ADAP1: variants seen among roughly 807,000 people sequenced by gnomAD.
ADAP1 encodes the protein arf-GAP with dual PH domain-containing protein 1.
ADAP1 carries 31 observed loss-of-function variants against 54.9 expected under a neutral mutation model. The observed-to-expected ratio is 0.56, with a 90% CI of 0.42 to 0.76. The LOEUF is 0.76. Among genes scored for constraint, ADAP1 ranks in the 30% least tolerant of loss-of-function variants. ADAP1 has a pLI of 0.00. For synonymous variants in ADAP1, 313 were observed against 202.6 expected (o/e 1.55, Z -4.63); for missense variants, 535 against 512.4 (o/e 1.04, Z -0.42).
Position 945,408 on chromosome 7 carries a change from G to A in ADAP1, c.82+8988C>T, listed in dbSNP as rs1264827718. ...TGCACTCCAGCTGCCCCCTCCACTC[G>A]GGGCACTGAACCGTGGGGCCGGCCC... On this transcript the variant is annotated intron_variant, in intron 1 of 10. Transcript: ENST00000265846. This position sits in a 1 kb window ranked among gnomAD's most constrained non-coding sequence, Gnocchi z 4.2. 2.0e-5 allele frequency among the ~76,000 whole-genome samples: 3 copies of A among 152,192 alleles called. No homozygotes were observed. Among genetic ancestry groups the A allele is most frequent in the African/African-American group, 7.2e-5 (3 of 41,448 alleles).
At chr7:908,425 G>T (rs563999086) in intron 4 of ADAP1, among the ~76,000 whole-genome samples, 1 of 152,282 alleles carries the variant, frequency 6.6e-6, no homozygotes, top group South Asian at 2.1e-4. Context: ...TGCCAGACGG[G>T]GCCTGCTCCC....
intron 4 of ADAP1, 104 bp from the exon 5 acceptor site, chr7:905,276 G>A (rs1376321614): frequency 4.8e-6 from 2 of 417,212 alleles, no homozygotes; most frequent in South Asian, 1.9e-5. Flanking sequence ...AAGACACGGG[G>A]GACACGGACG....
intron 1 of ADAP1, among the ~76,000 whole-genome samples, chr7:951,103 G>A (rs928087416): frequency 6.6e-6 from 1 of 152,110 alleles, no homozygotes; most frequent in African/African-American, 2.4e-5. Flanking sequence ...GGCCAGGCGC[G>A]GTGGCTCATG....
chr7:918,461 C>T (rs1846023443), intron 4 of ADAP1, among the ~76,000 whole-genome samples: 1 of 152,204 alleles, frequency 6.6e-6, no homozygotes, highest in Admixed American at 6.6e-5. Context: ...CCTGCCTTGG[C>T]CTCCCAAAGT....
intron 4 of ADAP1, chr7:905,696 A>AGAAAGGGAAAGGAGAAAGGAGAAAGG (rs1562912639): frequency 7.1e-5 from 1 of 14,134 alleles, no homozygotes; most frequent in Non-Finnish European, 1.3e-4. Flanking sequence ...AGGAGAAAGG[A>AGAAAGGGAAAGGAGAAAGGAGAAAGG]GAAAGGAGAA....
Position 907,128 on chromosome 7 carries a change from G to A in ADAP1, c.389-1956C>T, listed in dbSNP as rs1015270329. ...TCTTTTTTCAGGAAAGCTCATCTGAGGGGAGTCCAGCTCAAGCCCTCATCT... is the reference window on the plus strand; with the variant it reads ...TCTTTTTTCAGGAAAGCTCATCTGAAGGGAGTCCAGCTCAAGCCCTCATCT... On this transcript the variant is annotated intron_variant, in intron 4 of 10. Transcript: ENST00000265846. 5.9e-4 allele frequency among the ~76,000 whole-genome samples: 90 copies of A among 152,126 alleles called. 3 individuals carry two copies. Among genetic ancestry groups the A allele is most frequent in the Admixed American group, 2.0e-4 (3 of 15,276 alleles).
intron 1 of ADAP1, among the ~76,000 whole-genome samples, chr7:941,747 C>T (rs1394415114): frequency 6.6e-6 from 1 of 152,144 alleles, no homozygotes; most frequent in African/African-American, 2.4e-5. Flanking sequence ...AATGCCATCC[C>T]AATCAGAATT....
At chr7:905,850 A>G (rs1845239042) in intron 4 of ADAP1, among the ~76,000 whole-genome samples, 1 of 57,604 alleles carries the variant, frequency 1.7e-5, no homozygotes, top group African/African-American at 4.8e-5. Context: ...GAGAAGGGAG[A>G]AGGGAGAAGG....
intron 1 of ADAP1, among the ~76,000 whole-genome samples, chr7:939,161 T>C (rs1255470284): frequency 1.3e-5 from 2 of 152,176 alleles, no homozygotes; most frequent in African/African-American, 4.8e-5. Context: ...ATAGCTGCTT[T>C]TGTGAGCGGT....
intron 1 of ADAP1, among the ~76,000 whole-genome samples, chr7:947,981 A>C (rs1847185508): frequency 1.4e-5 from 2 of 147,342 alleles, no homozygotes; most frequent in Non-Finnish European, 3.0e-5. Flanking sequence ...CACCCCCGAC[A>C]CCACCAGCCC....
chr7:916,847 C>A (rs1845954292), intron 4 of ADAP1, among the ~76,000 whole-genome samples: 1 of 151,828 alleles, frequency 6.6e-6, no homozygotes, highest in African/African-American at 2.4e-5. Flanking sequence ...CTTGCTCAGG[C>A]CTGGGGCAGC....
intron 2 of ADAP1, chr7:927,017 G>C (rs1002146680): frequency 1.6e-6 from 2 of 1,261,134 alleles, no homozygotes; most frequent in Non-Finnish European, 2.1e-6. Flanking sequence ...CTGCCCCAGA[G>C]AGCGAGGGCT....
chr7:926,545 G>A lies in ADAP1; in HGVS notation c.305+8C>T, dbSNP rs1445820155. On this transcript the variant is annotated splice_region_variant and intron_variant, in intron 3 of 10. Transcript: ENST00000265846. The surrounding 1 kb of genome is among the most constrained non-coding windows in gnomAD (Gnocchi z 4.6). ...ACCATGGCCCTGACAAGGCCCCTTT[G>A]TACTCACTGGCAGTCGGAGGGCGTG... The A allele has an allele frequency of 1.3e-6, 2 of 1,531,914 alleles. No individual in the cohort carries two copies. Among genetic ancestry groups the A allele is most frequent in the African/African-American group, 1.4e-5 (1 of 71,098 alleles). 94.9% of individuals were successfully genotyped at this position (1,531,914 alleles called of 1,614,324 possible).
At chr7:900,888 C>CGAAGGGCCGAAGGGCCGAA (rs370585752) in intron 6 of ADAP1, 27 of 594,542 alleles carry the variant, frequency 4.5e-5, no homozygotes, top group African/African-American at 4.1e-4. Context: ...GCCGAAGGGC[C>CGAAGGGCCGAAGGGCCGAA]GGGCCGGGCC....
chr7:950,933 C>G (rs1847253633), intron 1 of ADAP1, among the ~76,000 whole-genome samples: 1 of 149,798 alleles, frequency 6.7e-6, no homozygotes, highest in African/African-American at 2.5e-5. Flanking sequence ...GAGAGGAAAT[C>G]TGGAGCCCTT....
intron 4 of ADAP1, among the ~76,000 whole-genome samples, chr7:917,507 C>G (rs146102442): frequency 4.6e-5 from 7 of 152,330 alleles, no homozygotes; most frequent in Non-Finnish European, 7.3e-5. Flanking sequence ...CTCTGCCGCC[C>G]AGGCTGGAGT....
At chr7:928,910 T>C (rs1352612309) in intron 2 of ADAP1, among the ~76,000 whole-genome samples, 2 of 152,240 alleles carry the variant, frequency 1.3e-5, no homozygotes, top group African/African-American at 2.4e-5. Flanking sequence ...TCGTGACAGC[T>C]GAGAACGGGA....
intron 5 of ADAP1, among the ~76,000 whole-genome samples, chr7:904,656 G>A (rs1000588881): frequency 3.9e-5 from 6 of 152,196 alleles, no homozygotes; most frequent in East Asian, 1.9e-4. Context: ...ATGGGTCTGG[G>A]GCCACCTTGT....
At chr7:950,866 A>AC (rs1383682495) in intron 1 of ADAP1, among the ~76,000 whole-genome samples, 1 of 150,988 alleles carries the variant, frequency 6.6e-6, no homozygotes, top group Non-Finnish European at 1.5e-5. Flanking sequence ...CAAAAAAAAA[A>AC]AAAAAAAAAA....
Sources: allele counts gnomAD v4.1 joint callset (sites outside exome capture counted in the v4.1 genomes callset), GRCh38; gene constraint gnomAD v4.1.1; non-coding constraint Gnocchi (gnomAD v3.1); transcripts MANE v1.5; gene names NCBI Gene and HGNC (gene_info 2026-07-23, HGNC 2026-07-21).